LMTK3: variants seen among roughly 807,000 people sequenced by gnomAD.
The protein encoded by LMTK3 is serine/threonine-protein kinase LMTK3.
A neutral mutation model predicts 116.7 loss-of-function variants in LMTK3; 27 were observed. The observed-to-expected ratio is 0.23, with a 90% CI of 0.17 to 0.32. LMTK3 has a LOEUF of 0.32. Among genes scored for constraint, LMTK3 ranks in the 10% least tolerant of loss-of-function variants. LMTK3 has a pLI of 1.00. For synonymous variants in LMTK3, 965 were observed against 971.0 expected, an observed-to-expected ratio of 0.99 and a Z score of 0.11; for missense variants, 1,764 against 2,068.5, an observed-to-expected ratio of 0.85 and a Z score of 2.86.
chr19:48,506,698 G>A lies in LMTK3; in HGVS notation c.557+2153C>T, dbSNP rs535862116. ...GTTGTTATTGTTGTTGTTTTCTCACGCTGTCTCCCAGGCTGGAGTACAGTG... is the reference window on the plus strand; with the variant it reads ...GTTGTTATTGTTGTTGTTTTCTCACACTGTCTCCCAGGCTGGAGTACAGTG... On this transcript the variant is annotated intron_variant, in intron 5 of 14. Coordinates refer to ENST00000600059, the MANE Select transcript of LMTK3 (RefSeq NM_001388485.1). 1.2e-4 allele frequency among the ~76,000 whole-genome samples: 19 copies of A among 152,208 alleles called. No homozygotes were observed. The South Asian group carries it at 3.7e-3, about 30-fold the overall frequency.
chr19:48,497,383 G>T lies in LMTK3; in HGVS notation c.3676+10C>A. ...ACCTCAGCCCTGACTGTGCCCCGCA[G>T]CCTCCTCACCTTTGATCTGCTCGCT... On this transcript the variant is annotated intron_variant, in intron 11 of 14. Transcript: ENST00000600059. This position sits in a 1 kb window ranked among gnomAD's most constrained non-coding sequence, Gnocchi z 5.7. 2 of 1,472,262 alleles carry T rather than the reference G, an allele frequency of 1.4e-6. No homozygotes were observed. The highest frequency in any genetic ancestry group is 9.0e-7 in the Non-Finnish European group (1 of 1,111,560). The allele number at this position is 1,472,262 out of a possible 1,614,324, so 91.2% of individuals were successfully genotyped here. A position where few individuals can be genotyped will look rare whatever the true frequency, so the allele number is the denominator to read the frequency against.
In LMTK3 at chr19:48,489,269, C is replaced by CTAA. The variant is rs750949454; in HGVS notation, c.4366+1836_4366+1838dup. The stretch of plus-strand genomic sequence containing the variant: ...TTGACTTAATTAAGTGCAGTAATAG[C>CTAA]TAATAATAATAATAATAGCTAATGG... On this transcript the variant is annotated intron_variant, in intron 14 of 14. Coordinates refer to ENST00000600059, the MANE Select transcript of LMTK3 (RefSeq NM_001388485.1). Among the ~76,000 whole-genome samples the CTAA allele has an allele frequency of 1.3e-3, 204 of 152,086 alleles. 1 individual carries two copies. Among genetic ancestry groups the CTAA allele is most frequent in the Admixed American group, 6.5e-4 (10 of 15,272 alleles).
chr19:48,492,900 AG>A (rs1018475998), intron 12 of LMTK3, among the ~76,000 whole-genome samples: 1 of 148,988 alleles, frequency 6.7e-6, no homozygotes, highest in African/African-American at 2.5e-5. Flanking sequence ...CCCCAGCTCT[AG>A]GCTCGGCCCA....
rs1972346769 is a variant in LMTK3 at position 48,497,414 on chromosome 19, CCT to C, written c.3653_3654del (p.Gln1218ArgfsTer321). 2 of 1,535,258 alleles carry C rather than the reference CCT, an allele frequency of 1.3e-6. No individual in the cohort carries two copies. The highest frequency in any genetic ancestry group is 1.7e-6 in the Non-Finnish European group (2 of 1,144,798). Reference sequence around the variant, plus strand: ...TCACCTTTGATCTGCTCGCTGTTCCCCTGAGGGGGTCCCAAGTCCAAGAATAG... The same window carrying C: ...TCACCTTTGATCTGCTCGCTGTTCCCGAGGGGGTCCCAAGTCCAAGAATAG... ...PRLFLDLGPP[Q>X]GNSEQIKARL... On this transcript the variant is annotated frameshift_variant, in exon 11 of 15. Transcript: ENST00000600059. LOFTEE classifies it high-confidence loss of function. This position sits in a 1 kb window ranked among gnomAD's most constrained non-coding sequence, Gnocchi z 5.7.
At chr19:48,489,932 C>T (rs978805574) in intron 14 of LMTK3, among the ~76,000 whole-genome samples, 1 of 152,188 alleles carries the variant, frequency 6.6e-6, no homozygotes, top group Non-Finnish European at 1.5e-5. Flanking sequence ...TTCCCTGGCT[C>T]GGCAGCAGAG....
upstream of LMTK3, chr19:48,513,585 A>G (rs1365523761): frequency 1.3e-5 from 3 of 227,644 alleles, no homozygotes; most frequent in Non-Finnish European, 8.8e-6. This position sits in a 1 kb window ranked among gnomAD's most constrained non-coding sequence, Gnocchi z 5.6. Context: ...GGACCTCTCC[A>G]TCGTCCGTGA....
chr19:48,491,082 A>AG lies in LMTK3; in HGVS notation c.4366+25dup. The AG allele has an allele frequency of 7.6e-7, 1 of 1,318,912 alleles. No individual in the cohort carries two copies. 81.7% of individuals were successfully genotyped at this position (1,318,912 alleles called of 1,614,324 possible). A position where few individuals can be genotyped will look rare whatever the true frequency, so the allele number is the denominator to read the frequency against. ...ATAGGGGGACAGAGATGGGCAGAGG[A>AG]GGGGGCAGGGCCGAGGATATGGTAC... On this transcript the variant is annotated intron_variant, in intron 14 of 14. Transcript: ENST00000600059. The surrounding 1 kb of genome is among the most constrained non-coding windows in gnomAD (Gnocchi z 5.1).
chr19:48,492,171 T>C (rs1972238374), intron 12 of LMTK3, among the ~76,000 whole-genome samples: 1 of 152,042 alleles, frequency 6.6e-6, no homozygotes, highest in South Asian at 2.1e-4. Flanking sequence ...CCTCCCTTTT[T>C]CTCTTCAACA....
At position 48,499,163 on chromosome 19, in the gene LMTK3, G is replaced by A. The variant is rs1448878207; in HGVS notation, c.1906C>T (p.Pro636Ser). 30 of 1,512,064 alleles carry A rather than the reference G, an allele frequency of 2.0e-5. No individual in the cohort carries two copies. The highest frequency in any genetic ancestry group is 2.7e-5 in the Non-Finnish European group (30 of 1,129,932). 93.7% of individuals were successfully genotyped at this position (1,512,064 alleles called of 1,614,324 possible). ...AEVLGERGTA[P>S]WVEEEEEEEE... ...TCCTCCTCTTCTTCTTCCACCCACG[G>A]GGCGGTCCCCCGCTCCCCCAAGACC... The change falls in exon 11 of 15, where the codon CCG (proline) becomes TCG (serine). Residue 636 changes from proline (P) to serine (S), a missense_variant. Transcript: ENST00000600059.
chr19:48,491,469 G>A lies in LMTK3; in HGVS notation c.4163C>T (p.Ala1388Val). ...GGCGGGGTGGGGAGGTGTCGGGGGC[G>A]CTGGAGGCGTTGACGGGTCCGTGTC... The part of the protein sequence containing the change: ...EGDTDPSTPP[A>V]PPTPPHPATP... Residue 1388 changes from alanine to valine, a missense_variant, in exon 13 of 15, where the codon GCG becomes GTG. By Grantham distance (64) the Ala-to-Val change is moderately conservative. Coordinates refer to ENST00000600059, the MANE Select transcript of LMTK3 (RefSeq NM_001388485.1). This position sits in a 1 kb window ranked among gnomAD's most constrained non-coding sequence, Gnocchi z 5.1. The A allele has an allele frequency of 1.4e-6, 2 of 1,418,542 alleles. No homozygotes were observed. Among genetic ancestry groups the A allele is most frequent in the Middle Eastern group, 2.0e-4 (1 of 5,024 alleles). 87.9% of individuals were successfully genotyped at this position (1,418,542 alleles called of 1,614,324 possible).
At chr19:48,502,873 C>A (rs1972496995) in intron 6 of LMTK3, 36 bp downstream of exon 6, 1 of 1,495,376 alleles carries the variant, frequency 6.7e-7, no homozygotes, top group Admixed American at 1.8e-5. Flanking sequence ...GTCCAGCTGC[C>A]CCCTCTGCCC....
Position 48,497,596 on chromosome 19 carries a change from G to A in LMTK3, c.3473C>T (p.Pro1158Leu), listed in dbSNP as rs755504151. 5 of 1,320,928 alleles carry A rather than the reference G, an allele frequency of 3.8e-6. No homozygotes were observed. The highest frequency in any genetic ancestry group is 3.1e-5 in the African/African-American group (2 of 65,542). 81.8% of individuals were successfully genotyped at this position (1,320,928 alleles called of 1,614,324 possible). ...CGGGGGCGCTGGCTCCAGCCTCCTC[G>A]GCTGTGCCTCCGGTGGCGGTGGCAG... The part of the protein sequence containing the change: ...PPLPPPPEAQ[P>L]RRLEPAPPRA... Residue 1158 changes from proline to leucine, a missense_variant, in exon 11 of 15, where the codon CCG becomes CTG. This residue lies in a region of LMTK3 where 1,028 missense variants were observed against 1,050.6 expected (regional missense o/e 0.98). Transcript: ENST00000600059. The surrounding 1 kb of genome is among the most constrained non-coding windows in gnomAD (Gnocchi z 5.7).
At chr19:48,490,754 C>T (rs898009444) in intron 14 of LMTK3, among the ~76,000 whole-genome samples, 8 of 152,148 alleles carry the variant, frequency 5.3e-5, no homozygotes, top group Non-Finnish European at 1.2e-4. Flanking sequence ...CCCTGAGCAC[C>T]GTGTTCCCCA....
Position 48,501,547 on chromosome 19 carries a change from G to T in LMTK3, c.810C>A (p.Arg270=). The part of the protein sequence containing the change: ...HNYVHSDLAL[R]NCLLTSDLTV... Reference sequence around the variant, plus strand: ...TCAGGTCAGAGGTCAGCAGGCAGTTGCGCAGGGCCAGGTCGCTGCGGGAAG... The same window carrying T: ...TCAGGTCAGAGGTCAGCAGGCAGTTTCGCAGGGCCAGGTCGCTGCGGGAAG... Residue 270 remains arginine, a synonymous_variant, in exon 8 of 15, where the codon CGC becomes CGA. Transcript: ENST00000600059. The T allele has an allele frequency of 6.2e-7, 1 of 1,610,198 alleles. No individual in the cohort carries two copies.
upstream of LMTK3, chr19:48,513,306 C>T: frequency 1.3e-6 from 1 of 765,430 alleles, no homozygotes; most frequent in Non-Finnish European, 2.3e-6. This position sits in a 1 kb window ranked among gnomAD's most constrained non-coding sequence, Gnocchi z 5.6. Context: ...ATCCTCACAA[C>T]CGCCCTCTGA....
Position 48,491,267 on chromosome 19 carries a change from C to A in LMTK3, c.4229-22G>T. ...CCTCCTGCGGCAGAAGGAAAGACCG[C>A]GGTCAGGCTGCAGACACCTGCGGCA... On this transcript the variant is annotated intron_variant, in intron 13 of 14. Coordinates refer to ENST00000600059, the MANE Select transcript of LMTK3 (RefSeq NM_001388485.1). The surrounding 1 kb of genome is among the most constrained non-coding windows in gnomAD (Gnocchi z 5.1). The A allele has an allele frequency of 7.2e-7, 1 of 1,387,746 alleles. No individual in the cohort carries two copies. The highest frequency in any genetic ancestry group is 9.4e-7 in the Non-Finnish European group (1 of 1,068,286). The allele number at this position is 1,387,746 out of a possible 1,614,324, so 86.0% of individuals were successfully genotyped here.
intron 14 of LMTK3, among the ~76,000 whole-genome samples, chr19:48,488,297 C>T (rs933657808): frequency 1.3e-4 from 20 of 152,012 alleles, no homozygotes; most frequent in African/African-American, 4.8e-4. Context: ...GAAGAGTCAG[C>T]CCCCAGACCT....
chr19:48,504,232 G>A (rs567108813), intron 5 of LMTK3, among the ~76,000 whole-genome samples: 6 of 152,148 alleles, frequency 3.9e-5, no homozygotes, highest in African/African-American at 9.7e-5. Flanking sequence ...GCCCCTCCGG[G>A]CCTCTGCCTC....
intron 14 of LMTK3, among the ~76,000 whole-genome samples, chr19:48,486,859 T>G (rs928327331): frequency 6.6e-6 from 1 of 151,422 alleles, no homozygotes; most frequent in African/African-American, 2.4e-5. Context: ...GTTTGTTTTT[T>G]GGGGGGGTTT....
Sources: gnomAD v4.1 joint callset for allele counts (sites outside exome capture counted in the v4.1 genomes callset) on GRCh38, gnomAD v4.1.1 for gene constraint, gnomAD v4.1.1 regional missense constraint, Gnocchi (gnomAD v3.1) non-coding constraint, MANE v1.5 for transcripts, NCBI Gene and HGNC (gene_info 2026-07-23, HGNC 2026-07-21) for gene names.